The following ZFPM2 variants were observed in gnomAD, a reference collection of about 807,000 sequenced individuals.
ZFPM2 encodes the protein zinc finger protein ZFPM2.
A neutral mutation model predicts 98.6 loss-of-function variants in ZFPM2; 20 were observed. The observed-to-expected ratio is 0.20, with a 90% CI of 0.14 to 0.29. ZFPM2 has a LOEUF of 0.29. Among genes scored for constraint, ZFPM2 ranks in the 10% least tolerant of loss-of-function variants. The pLI is 1.00. For synonymous variants in ZFPM2, 518 were observed against 502.7 expected, an observed-to-expected ratio of 1.03 and a Z score of -0.41; for missense variants, 1,310 against 1,388.6, an observed-to-expected ratio of 0.94 and a Z score of 0.90.
At chr8:105,644,247 C>T (rs933656306) in intron 5 of ZFPM2, among the ~76,000 whole-genome samples, 6 of 151,356 alleles carry the variant, frequency 4.0e-5, no homozygotes, top group Admixed American at 1.3e-4. Context: ...TTGCACTGTG[C>T]GCTGGCTCTG....
At chr8:105,795,802 T>G (rs1278150068) in intron 6 of ZFPM2, 2 of 492,386 alleles carry the variant, frequency 4.1e-6, no homozygotes, top group South Asian at 1.5e-5. Context: ...AGTCCCAAGA[T>G]CTGTGTTCTA....
chr8:105,416,392 T>G (rs1380849524), intron 1 of ZFPM2, among the ~76,000 whole-genome samples: 1 of 151,684 alleles, frequency 6.6e-6, no homozygotes, highest in Non-Finnish European at 1.5e-5. Context: ...AAAAAGTACC[T>G]ATGTCTAGAA....
rs148464134 is a variant in ZFPM2 at position 105,612,377 on chromosome 8, GA to G, written c.421-21859del. Reference sequence around the variant, plus strand: ...AGGATTAAAATGAAAACGTCCAATTGAAAAAAAAAATGCCCATAAATATTGA... The same window carrying G: ...AGGATTAAAATGAAAACGTCCAATTGAAAAAAAAATGCCCATAAATATTGA... On this transcript the variant is annotated intron_variant, in intron 4 of 7. Coordinates refer to ENST00000407775, the MANE Select transcript of ZFPM2 (RefSeq NM_012082.4). Among the ~76,000 whole-genome samples, 15 of 148,746 alleles carry G rather than the reference GA, an allele frequency of 1.0e-4. No individual in the cohort carries two copies. The South Asian group carries it at 2.1e-3, about 21-fold the overall frequency.
At chr8:105,796,346 A>G (rs1461012664) in intron 6 of ZFPM2, among the ~76,000 whole-genome samples, 2 of 151,514 alleles carry the variant, frequency 1.3e-5, no homozygotes, top group Non-Finnish European at 1.5e-5. Context: ...TTTATGTCAA[A>G]TAATTCAGCA....
At chr8:105,485,475 G>A (rs879760362) in intron 3 of ZFPM2, among the ~76,000 whole-genome samples, 3 of 152,096 alleles carry the variant, frequency 2.0e-5, no homozygotes, top group Non-Finnish European at 2.9e-5. Context: ...CTATGATTGT[G>A]CCTCTGCTCT....
At chr8:105,590,626 C>A (rs1162219493) in intron 4 of ZFPM2, among the ~76,000 whole-genome samples, 1 of 152,076 alleles carries the variant, frequency 6.6e-6, no homozygotes, top group Non-Finnish European at 1.5e-5. Flanking sequence ...TTAAGAGTGC[C>A]CTATTATGGA....
intron 3 of ZFPM2, among the ~76,000 whole-genome samples, chr8:105,499,609 T>C (rs932415598): frequency 2.0e-5 from 3 of 152,204 alleles, no homozygotes; most frequent in African/African-American, 7.2e-5. Context: ...CCAAGCTCTC[T>C]GTACTTTCCA....
chr8:105,439,267 A>G (rs896445605), intron 2 of ZFPM2, among the ~76,000 whole-genome samples: 5 of 152,094 alleles, frequency 3.3e-5, no homozygotes, highest in African/African-American at 7.2e-5. Context: ...ATAATTTTTA[A>G]CAGTGTGGCC....
intron 5 of ZFPM2, among the ~76,000 whole-genome samples, chr8:105,765,342 C>A (rs1270307531): frequency 2.0e-5 from 3 of 151,708 alleles, no homozygotes; most frequent in Non-Finnish European, 2.9e-5. Context: ...ATCATTCAAG[C>A]CACTGTCAAT....
At chr8:105,636,829 A>G (rs1223500262) in intron 5 of ZFPM2, among the ~76,000 whole-genome samples, 3 of 152,208 alleles carry the variant, frequency 2.0e-5, no homozygotes, top group Admixed American at 1.3e-4. Flanking sequence ...ACTTACAAGA[A>G]CAATTGGTTT....
chr8:105,757,787 T>C (rs2131065850), intron 5 of ZFPM2, among the ~76,000 whole-genome samples: 1 of 152,282 alleles, frequency 6.6e-6, no homozygotes, highest in South Asian at 2.1e-4. Flanking sequence ...CTCCTCGTTC[T>C]GGGCTTCTGG....
intron 3 of ZFPM2, among the ~76,000 whole-genome samples, chr8:105,458,185 G>A (rs1210521174): frequency 6.6e-6 from 1 of 152,106 alleles, no homozygotes; most frequent in African/African-American, 2.4e-5. Context: ...CGTATATTAG[G>A]TGTAGTTAAA....
chr8:105,517,618 G>A (rs78611056), intron 3 of ZFPM2, among the ~76,000 whole-genome samples: 8,827 of 151,246 alleles, frequency 0.058, 299 homozygotes, highest in East Asian at 0.17. Flanking sequence ...GGGAGACCAC[G>A]GTAGGAGGAT....
At chr8:105,743,090 T>G (rs1340368628) in intron 5 of ZFPM2, among the ~76,000 whole-genome samples, 7 of 151,994 alleles carry the variant, frequency 4.6e-5, no homozygotes, top group Admixed American at 4.6e-4. Flanking sequence ...GGAAAGAAAA[T>G]ACTCCACAAT....
intron 5 of ZFPM2, among the ~76,000 whole-genome samples, chr8:105,640,615 G>A (rs1008575599): frequency 2.0e-5 from 3 of 152,026 alleles, no homozygotes; most frequent in African/African-American, 7.2e-5. Flanking sequence ...GCTTGAGTAA[G>A]TAACTTTCTG....
chr8:105,507,534 G>A (rs868321217), intron 3 of ZFPM2, among the ~76,000 whole-genome samples: 36 of 152,288 alleles, frequency 2.4e-4, no homozygotes, highest in Admixed American at 8.5e-4. Context: ...TCAAAGTGTT[G>A]CATGTGAAAT....
chr8:105,552,335 T>TAC (rs1486217152), intron 3 of ZFPM2, among the ~76,000 whole-genome samples: 1 of 152,188 alleles, frequency 6.6e-6, no homozygotes, highest in Non-Finnish European at 1.5e-5. Flanking sequence ...TCCAAGATGA[T>TAC]ACCCCCACTA....
At chr8:105,423,618 T>TA (rs201739931) in intron 2 of ZFPM2, among the ~76,000 whole-genome samples, 2,113 of 152,314 alleles carry the variant, frequency 0.014, 25 homozygotes, top group Non-Finnish European at 0.021. Flanking sequence ...TTTCCTGTGG[T>TA]ACTGAAATTT....
At chr8:105,777,166 A>G (rs773582091) in intron 5 of ZFPM2, among the ~76,000 whole-genome samples, 1 of 152,226 alleles carries the variant, frequency 6.6e-6, no homozygotes, top group Non-Finnish European at 1.5e-5. Context: ...AGCATTCAGC[A>G]CAAGTATTTA....
Sources: allele counts gnomAD v4.1 joint callset (sites outside exome capture counted in the v4.1 genomes callset), GRCh38; gene constraint gnomAD v4.1.1; transcripts MANE v1.5; gene names NCBI Gene and HGNC (gene_info 2026-07-23, HGNC 2026-07-21).